CNBD1: variants seen among roughly 807,000 people sequenced by gnomAD.
CNBD1 encodes the protein cyclic nucleotide-binding domain-containing protein 1.
A neutral mutation model predicts 54.4 loss-of-function variants in CNBD1; 71 were observed. The observed-to-expected ratio is 1.30, with a 90% CI of 1.08 to 1.59. The LOEUF is 1.59. Among genes scored for constraint, CNBD1 ranks in the 40% most tolerant of loss-of-function variants. CNBD1 has a pLI of 0.00. For synonymous variants in CNBD1, 182 were observed against 170.7 expected (o/e 1.07, Z -0.51); for missense variants, 659 against 518.0 (o/e 1.27, Z -2.64).
intron 8 of CNBD1, among the ~76,000 whole-genome samples, chr8:87,313,041 G>T (rs1462644665): frequency 6.6e-6 from 1 of 151,878 alleles, no homozygotes; most frequent in Non-Finnish European, 1.5e-5. Context: ...GCTTTGTGAG[G>T]GTAGTACCAT....
Position 87,170,782 on chromosome 8 carries a change from TC to T in CNBD1, c.432-35208del, listed in dbSNP as rs1299310046. 2.6e-5 allele frequency among the ~76,000 whole-genome samples: 4 copies of T among 152,316 alleles called. No individual in the cohort carries two copies. The East Asian group carries it at 7.7e-4, about 29-fold the overall frequency. ...TCGATTGAAATGATCACATGTTTTTTCCCATCATTCTGTTGATATGATATAT... is the reference window on the plus strand; with the variant it reads ...TCGATTGAAATGATCACATGTTTTTTCCATCATTCTGTTGATATGATATAT... On this transcript the variant is annotated intron_variant, in intron 4 of 10. Transcript: ENST00000518476.
At chr8:87,271,014 C>T (rs2130857932) in intron 6 of CNBD1, among the ~76,000 whole-genome samples, 1 of 151,670 alleles carries the variant, frequency 6.6e-6, no homozygotes, top group South Asian at 2.1e-4. Flanking sequence ...TTATATGTGT[C>T]CAGGAATTTA....
At chr8:87,417,544 C>A (rs1419402379) in intron 2 of CNBD1, among the ~76,000 whole-genome samples, 1 of 151,978 alleles carries the variant, frequency 6.6e-6, no homozygotes, top group East Asian at 1.9e-4. Context: ...ATAGAATTAA[C>A]ATTACCTCTC....
At chr8:87,348,858 G>T (rs1165228862) in intron 8 of CNBD1, among the ~76,000 whole-genome samples, 3 of 152,154 alleles carry the variant, frequency 2.0e-5, no homozygotes, top group Non-Finnish European at 4.4e-5. Flanking sequence ...CTGGGCGTAT[G>T]ATAAACAACA....
At chr8:87,171,122 A>G (rs1330537353) in intron 4 of CNBD1, among the ~76,000 whole-genome samples, 5 of 152,212 alleles carry the variant, frequency 3.3e-5, no homozygotes, top group South Asian at 4.1e-4. Flanking sequence ...TTTAGTATTA[A>G]TAGAATTCAG....
At chr8:86,911,717 TA>T (rs1159627921) in intron 3 of CNBD1, among the ~76,000 whole-genome samples, 1 of 152,076 alleles carries the variant, frequency 6.6e-6, no homozygotes, top group African/African-American at 2.4e-5. Context: ...TAGAAAACCT[TA>T]AAGATTCCAT....
rs553544966 is a variant in CNBD1, at chr8:87,288,673, C to A, written c.1042+2002C>A. Among the ~76,000 whole-genome samples, 291 of 152,140 alleles carry A rather than the reference C, an allele frequency of 1.9e-3. 1 individual carries two copies. The highest frequency in any genetic ancestry group is 6.6e-3 in the African/African-American group (273 of 41,564). On this transcript the variant is annotated intron_variant, in intron 8 of 10. Coordinates refer to ENST00000518476, the MANE Select transcript of CNBD1 (RefSeq NM_173538.3). ...CCTAGACTAATATTGAATTCAAGTT[C>A]TTTTTTGTAAATATCTTGAAAAATA...
At chr8:87,328,633 A>G (rs931230188) in intron 8 of CNBD1, among the ~76,000 whole-genome samples, 3 of 151,940 alleles carry the variant, frequency 2.0e-5, no homozygotes, top group African/African-American at 7.2e-5. Context: ...TTGTCTGTTT[A>G]TCTATAAAAT....
intron 8 of CNBD1, among the ~76,000 whole-genome samples, chr8:87,307,311 T>TA (rs1809176780): frequency 1.3e-5 from 2 of 152,212 alleles, no homozygotes; most frequent in South Asian, 4.1e-4. Flanking sequence ...ATGAGGATAT[T>TA]AAAGTGTAGG....
intron 8 of CNBD1, among the ~76,000 whole-genome samples, chr8:87,291,951 G>C (rs939901815): frequency 6.6e-6 from 1 of 152,134 alleles, no homozygotes; most frequent in Non-Finnish European, 1.5e-5. Context: ...ATGAGTGAAT[G>C]AATATTTTGA....
chr8:87,207,488 C>T (rs1421444793), intron 5 of CNBD1, among the ~76,000 whole-genome samples: 1 of 151,372 alleles, frequency 6.6e-6, no homozygotes, highest in African/African-American at 2.4e-5. Flanking sequence ...AAACATATAT[C>T]TTTTTAAACT....
intron 8 of CNBD1, among the ~76,000 whole-genome samples, chr8:87,334,492 C>G (rs1319501903): frequency 6.6e-6 from 1 of 151,916 alleles, no homozygotes; most frequent in Non-Finnish European, 1.5e-5. Context: ...TGAGATATCT[C>G]TAGGTTTCCG....
At chr8:87,113,724 C>T (rs1811713086) in intron 4 of CNBD1, among the ~76,000 whole-genome samples, 1 of 152,032 alleles carries the variant, frequency 6.6e-6, no homozygotes. Flanking sequence ...TCTAGACCAT[C>T]CTGGCTAACA....
intron 2 of CNBD1, among the ~76,000 whole-genome samples, chr8:86,899,230 A>G (rs1808895591): frequency 6.6e-6 from 1 of 152,174 alleles, no homozygotes; most frequent in South Asian, 2.1e-4. Context: ...TGTAGGATGA[A>G]CAAGTGAAGA....
intron 10 of CNBD1, among the ~76,000 whole-genome samples, chr8:87,354,480 T>C (rs1212220796): frequency 6.6e-6 from 1 of 152,054 alleles, no homozygotes; most frequent in Non-Finnish European, 1.5e-5. Context: ...TATGTATACA[T>C]GTGCCATGTT....
At chr8:86,901,767 G>C (rs905947936) in intron 2 of CNBD1, among the ~76,000 whole-genome samples, 12 of 152,094 alleles carry the variant, frequency 7.9e-5, no homozygotes, top group South Asian at 2.1e-4. Flanking sequence ...ATCTTATGTG[G>C]AAGGATCTTT....
At chr8:87,265,258 A>G (rs1469947488) in intron 6 of CNBD1, among the ~76,000 whole-genome samples, 1 of 152,062 alleles carries the variant, frequency 6.6e-6, no homozygotes, top group Admixed American at 6.6e-5. Context: ...TAAATAGGGA[A>G]TCCTTTCCCC....
At chr8:87,142,637 G>C (rs1812393326) in intron 4 of CNBD1, among the ~76,000 whole-genome samples, 1 of 152,124 alleles carries the variant, frequency 6.6e-6, no homozygotes, top group South Asian at 2.1e-4. Flanking sequence ...ATGCAAAAGT[G>C]TACATTGTGT....
At chr8:87,364,989 T>C (rs542964731) in intron 10 of CNBD1, among the ~76,000 whole-genome samples, 6 of 152,170 alleles carry the variant, frequency 3.9e-5, no homozygotes, top group South Asian at 2.1e-4. Flanking sequence ...ACTATTCATA[T>C]TCTTTTTGGT....
Sources: allele counts gnomAD v4.1 joint callset (sites outside exome capture counted in the v4.1 genomes callset), GRCh38; gene constraint gnomAD v4.1.1; transcripts MANE v1.5; gene names NCBI Gene and HGNC (gene_info 2026-07-23, HGNC 2026-07-21).